The following NCOR1 variants were observed in gnomAD, a reference collection of about 807,000 sequenced individuals.
NCOR1 encodes nuclear receptor corepressor 1, also known as protein phosphatase 1, regulatory subunit 109.
In NCOR1, 63 loss-of-function variants were observed where a neutral mutation model predicts 288.1. That is an observed-to-expected ratio of 0.22 (90% CI 0.18 to 0.27). The LOEUF (loss-of-function observed/expected upper bound fraction) is 0.27, where lower values mean the gene tolerates loss of function less well. Ranked by LOEUF, NCOR1 falls within the 10% of genes least tolerant of loss-of-function variation. The pLI is 1.00. For synonymous variants in NCOR1, 1,007 were observed against 1,065.9 expected (o/e 0.94, Z 1.08); for missense variants, 2,397 against 3,019.2 (o/e 0.79, Z 4.83).
rs149322560 is a variant in NCOR1, at chr17:16,030,068, AG to A, written c.*2227del. On this transcript the variant is annotated 3_prime_UTR_variant, in exon 46 of 46. Coordinates refer to ENST00000268712, the MANE Select transcript of NCOR1 (RefSeq NM_006311.4). ...AACTACTCATGGCCTACTGCTGACC[AG>A]AAGTCTTACGGATAACATAGTCGAT... is the stretch of plus-strand genomic sequence containing the variant. The A allele has an allele frequency of 3.1e-3, 544 of 177,088 alleles. 6 individuals carry two copies. The highest frequency in any genetic ancestry group is 0.012 in the African/African-American group (499 of 42,370). 11.0% of individuals were successfully genotyped at this position (177,088 alleles called of 1,614,324 possible). A position where few individuals can be genotyped will look rare whatever the true frequency, so the allele number is the denominator to read the frequency against.
intron 3 of NCOR1, among the ~76,000 whole-genome samples, chr17:16,185,080 G>T (rs1368009418): frequency 6.6e-6 from 1 of 151,106 alleles, no homozygotes; most frequent in East Asian, 1.9e-4. Context: ...CCAGGGGCAG[G>T]GGGTGGAAAG....
intron 5 of NCOR1, among the ~76,000 whole-genome samples, chr17:16,164,592 T>C (rs565279281): frequency 6.6e-5 from 10 of 152,234 alleles, no homozygotes; most frequent in Middle Eastern, 3.4e-3. Context: ...GAATGTAAAA[T>C]GGTGTTACTT....
intron 40 of NCOR1, chr17:16,057,298 C>A: frequency 1.8e-6 from 1 of 555,874 alleles, no homozygotes. Context: ...AGAATATAAT[C>A]ATCTTTTGAA....
In NCOR1 at chr17:16,127,325, GTATGTATATATACATGTATGTATA is replaced by G. The variant is rs1568196893; in HGVS notation, c.1510-1143_1510-1120del. ...TGTATATATACATGTATGTATATAT[GTATGTATATATACATGTATGTATA>G]TATGTATGTATATATACATGTATGT... On this transcript the variant is annotated intron_variant, in intron 14 of 45. Transcript: ENST00000268712. Among the ~76,000 whole-genome samples the G allele has an allele frequency of 8.0e-5, 8 of 100,360 alleles. 1 individual carries two copies. The highest frequency in any genetic ancestry group is 2.6e-4 in the African/African-American group (7 of 27,158). 65.8% of individuals were successfully genotyped at this position (100,360 alleles called of 152,430 possible). A position where few individuals can be genotyped will look rare whatever the true frequency, so the allele number is the denominator to read the frequency against.
intron 15 of NCOR1, among the ~76,000 whole-genome samples, chr17:16,123,889 G>A (rs2073495717): frequency 6.6e-6 from 1 of 152,056 alleles, no homozygotes; most frequent in African/African-American, 2.4e-5. Flanking sequence ...AACTACCTGG[G>A]AATAGTATAC....
chr17:16,049,111 G>T, intron 40 of NCOR1, 123 bp from the exon 41 acceptor site: 5 of 1,022,270 alleles, frequency 4.9e-6, no homozygotes, highest in South Asian at 2.0e-5. Context: ...ATTTCTATCA[G>T]AAAAAAAGTT....
intron 19 of NCOR1, among the ~76,000 whole-genome samples, chr17:16,105,205 C>T (rs1380302887): frequency 6.6e-6 from 1 of 152,130 alleles, no homozygotes; most frequent in African/African-American, 2.4e-5. Context: ...GGAAGAATTA[C>T]TTGGGCTGCT....
chr17:16,127,641 A>G (rs568808992), intron 14 of NCOR1, among the ~76,000 whole-genome samples: 32 of 144,916 alleles, frequency 2.2e-4, no homozygotes, highest in East Asian at 5.9e-4. Flanking sequence ...ATATGTATAT[A>G]TGTGTATGTG....
At chr17:16,203,040 T>TACACACACACACACACACACAC (rs57228948) in intron 1 of NCOR1, among the ~76,000 whole-genome samples, 13 of 147,056 alleles carry the variant, frequency 8.8e-5, no homozygotes, top group African/African-American at 3.3e-4. Context: ...AGCTGTTCCT[T>TACACACACACACACACACACAC]ACACACACAC....
In NCOR1 at chr17:16,029,278, T is replaced by C. The variant is rs777693196; in HGVS notation, c.*3018A>G. 1.3e-5 allele frequency: 6 copies of C among 453,016 alleles called. No homozygotes were observed. The highest frequency in any genetic ancestry group is 2.6e-5 in the Non-Finnish European group (6 of 226,538). The allele number at this position is 453,016 out of a possible 1,614,324, so 28.1% of individuals were successfully genotyped here. On this transcript the variant is annotated 3_prime_UTR_variant, in exon 46 of 46. Transcript: ENST00000268712. Reference sequence around the variant, plus strand: ...CAGTCTCTTCATGTGGGTGTTTTCATTACAGTTCATTTACACTGTTGTAAA... The same window carrying C: ...CAGTCTCTTCATGTGGGTGTTTTCACTACAGTTCATTTACACTGTTGTAAA...
At chr17:16,037,521 G>A (rs73981421) in intron 44 of NCOR1, among the ~76,000 whole-genome samples, 5,789 of 152,266 alleles carry the variant, frequency 0.038, 114 homozygotes, top group East Asian at 0.074. Flanking sequence ...CCATTAAAAT[G>A]TGGTAATTAA....
In NCOR1 at chr17:16,029,547, G is replaced by C. The variant is rs1394203603; in HGVS notation, c.*2749C>G. 3.1e-5 allele frequency: 7 copies of C among 227,970 alleles called. No homozygotes were observed. Among genetic ancestry groups the C allele is most frequent in the Non-Finnish European group, 6.2e-5 (7 of 112,582 alleles). 14.1% of individuals were successfully genotyped at this position (227,970 alleles called of 1,614,324 possible). ...CAGAATACTTTTATGAAGAGTATTAGGAAGACCTTAATTTAGTTCTGGGTG... is the reference window on the plus strand; with the variant it reads ...CAGAATACTTTTATGAAGAGTATTACGAAGACCTTAATTTAGTTCTGGGTG... On this transcript the variant is annotated 3_prime_UTR_variant, in exon 46 of 46. Coordinates refer to ENST00000268712, the MANE Select transcript of NCOR1 (RefSeq NM_006311.4).
intron 10 of NCOR1, 52 bp from the exon 11 acceptor site, chr17:16,143,748 A>T: frequency 2.3e-6 from 3 of 1,307,530 alleles, no homozygotes; most frequent in African/African-American, 1.5e-5. Context: ...ATATAAAGAC[A>T]TATCAATTAA....
chr17:16,175,393 T>C lies in NCOR1; in HGVS notation c.243-3398A>G, dbSNP rs145960436. ...GTCTTTTAAAAAAAAAAAAACTCTG[T>C]AGGCTTGCAGACTTTGTAAAGTTCC... On this transcript the variant is annotated intron_variant, in intron 3 of 45. Transcript: ENST00000268712. 9.0e-3 allele frequency among the ~76,000 whole-genome samples: 1,361 copies of C among 151,976 alleles called. 23 individuals are homozygous for C. Among genetic ancestry groups the C allele is most frequent in the African/African-American group, 0.031 (1,294 of 41,450 alleles).
chr17:16,075,734 A>G (rs1462329281), intron 26 of NCOR1, 32 bp from the exon 27 acceptor site: 11 of 1,611,082 alleles, frequency 6.8e-6, no homozygotes, highest in Non-Finnish European at 9.3e-6. Flanking sequence ...ATAGCAGAGG[A>G]GTCACTCGAG....
chr17:16,061,858 G>A lies in NCOR1; in HGVS notation c.5424C>T (p.Gly1808=), dbSNP rs752940469. 1.2e-6 allele frequency: 2 copies of A among 1,612,852 alleles called. No individual in the cohort carries two copies. Among genetic ancestry groups the A allele is most frequent in the South Asian group, 2.2e-5 (2 of 90,992 alleles). The stretch of plus-strand genomic sequence containing the variant: ...CAGTGTTGTAACGGGAGGCTGGCAG[G>A]CCTTGGCTTATTGAAGGGCCCCCAG... ...LPAGGPSISQ[G]LPASRYNTAA... is the part of the protein sequence containing the mutation. Residue 1808 remains glycine (G), a synonymous_variant, in exon 37 of 46, where the codon GGC becomes GGT. Transcript: ENST00000268712.
At chr17:16,178,644 C>T (rs178830) in intron 3 of NCOR1, among the ~76,000 whole-genome samples, 57,281 of 151,722 alleles carry the variant, frequency 0.38, 13,441 homozygotes, top group Non-Finnish European at 0.51. Context: ...TAATTCTTTC[C>T]GTGAATCCCA....
intron 14 of NCOR1, among the ~76,000 whole-genome samples, chr17:16,127,679 A>ATG (rs1241648223): frequency 7.0e-6 from 1 of 142,802 alleles, no homozygotes; most frequent in Non-Finnish European, 1.5e-5. Context: ...ATATATGTGT[A>ATG]TGTGTATATA....
intron 16 of NCOR1, 84 bp downstream of exon 16, chr17:16,120,968 A>AAT: frequency 2.4e-6 from 3 of 1,244,882 alleles, no homozygotes; most frequent in Middle Eastern, 2.8e-4. Context: ...TGTCAATATT[A>AAT]AAAGTCCTTT....
Sources: gnomAD v4.1 joint callset for allele counts (sites outside exome capture counted in the v4.1 genomes callset) on GRCh38, gnomAD v4.1.1 for gene constraint, MANE v1.5 for transcripts, NCBI Gene and HGNC (gene_info 2026-07-23, HGNC 2026-07-21) for gene names.